The following PCDHGA6 variants were observed in gnomAD, a reference collection of about 807,000 sequenced individuals.
The protein encoded by PCDHGA6 is protocadherin gamma subfamily A, 6.
In PCDHGA6, 41 loss-of-function variants were observed where a neutral mutation model predicts 60.6. That is an observed-to-expected ratio of 0.68 (90% CI 0.53 to 0.88). The LOEUF is 0.88. Ranked by LOEUF, PCDHGA6 falls within the 40% of genes least tolerant of loss-of-function variation. PCDHGA6 has a pLI of 0.00. For missense variants in PCDHGA6, 1,312 were observed against 1,203.0 expected (o/e 1.09, Z -1.34); for synonymous variants, 594 against 524.4 (o/e 1.13, Z -1.81).
intron 2 of PCDHGA6, among the ~76,000 whole-genome samples, chr5:141,496,103 C>T (rs779317844): frequency 2.0e-5 from 3 of 152,218 alleles, no homozygotes; most frequent in South Asian, 2.1e-4. Flanking sequence ...ACCAACACCC[C>T]GCTCTCTTCC....
chr5:141,445,115 A>G (rs1038787011), intron 1 of PCDHGA6, among the ~76,000 whole-genome samples: 1 of 152,308 alleles, frequency 6.6e-6, no homozygotes, highest in East Asian at 1.9e-4. Flanking sequence ...GTTATTGTAA[A>G]TAGTATTTTT....
In PCDHGA6 at chr5:141,415,739, G is replaced by GTTT. The variant is rs1561759437; in HGVS notation, c.2424+39232_2424+39233insTTT. 6 of 435,150 alleles carry GTTT rather than the reference G, an allele frequency of 1.4e-5. No individual in the cohort carries two copies. The African/African-American group carries it at 1.6e-4, about 12-fold the overall frequency. 27.0% of individuals were successfully genotyped at this position (435,150 alleles called of 1,614,324 possible). ...ATGAGTAGAATTTGATGTTTATTAAGGTTTTTTTTTTTTTTTTTTTTTTTT... is the reference window on the plus strand; with the variant it reads ...ATGAGTAGAATTTGATGTTTATTAAGTTTGTTTTTTTTTTTTTTTTTTTTTTTT... On this transcript the variant is annotated intron_variant, in intron 1 of 3. Transcript: ENST00000517434.
chr5:141,473,944 C>T (rs1279694347), intron 1 of PCDHGA6, among the ~76,000 whole-genome samples: 1 of 152,156 alleles, frequency 6.6e-6, no homozygotes, highest in Non-Finnish European at 1.5e-5. Context: ...TAGCTCAGGC[C>T]TGTAGTCCCA....
intron 1 of PCDHGA6, chr5:141,388,942 T>C: frequency 6.2e-7 from 1 of 1,614,004 alleles, no homozygotes; most frequent in African/African-American, 1.3e-5. Flanking sequence ...CTACCCAACC[T>C]AATTATGGAG....
intron 1 of PCDHGA6, among the ~76,000 whole-genome samples, chr5:141,465,063 C>T (rs187265709): frequency 8.5e-4 from 129 of 151,534 alleles, no homozygotes; most frequent in South Asian, 1.3e-3. Context: ...TTTGAATTGT[C>T]TGTTCATGTC....
intron 1 of PCDHGA6, chr5:141,410,789 A>C: frequency 1.3e-6 from 1 of 794,444 alleles, no homozygotes; most frequent in Non-Finnish European, 1.8e-6. Context: ...TATTTGGTTC[A>C]TAAGTTGCTC....
At position 141,477,984 on chromosome 5, in the gene PCDHGA6, T is replaced by A; in HGVS notation, c.2425-16823T>A. On this transcript the variant is annotated intron_variant, in intron 1 of 3. Coordinates refer to ENST00000517434, the MANE Select transcript of PCDHGA6 (RefSeq NM_018919.3). This position sits in a 1 kb window ranked among gnomAD's most constrained non-coding sequence, Gnocchi z 4.9. ...AACCAGAGCCTTTTTGCCATAGGGC[T>A]GCACACTGGTCAAATCAGTACTGCC... 6.2e-7 allele frequency: 1 copy of A among 1,614,146 alleles called. No homozygotes were observed. The highest frequency in any genetic ancestry group is 8.5e-7 in the Non-Finnish European group (1 of 1,180,028).
intron 1 of PCDHGA6, among the ~76,000 whole-genome samples, chr5:141,380,915 GT>G (rs1776856822): frequency 6.6e-6 from 1 of 152,180 alleles, no homozygotes; most frequent in Admixed American, 6.5e-5. Flanking sequence ...TGCTTACATT[GT>G]TTAATAATCA....
chr5:141,450,085 C>T (rs997781052), intron 1 of PCDHGA6, among the ~76,000 whole-genome samples: 3 of 149,208 alleles, frequency 2.0e-5, no homozygotes, highest in Non-Finnish European at 4.4e-5. Context: ...TGGCTCACTG[C>T]AACCTCCGCC....
At chr5:141,505,044 C>G (rs1446394128) in intron 2 of PCDHGA6, among the ~76,000 whole-genome samples, 3 of 152,156 alleles carry the variant, frequency 2.0e-5, no homozygotes, top group African/African-American at 7.2e-5. Context: ...TGCCTGTCAT[C>G]CCAGCTACTT....
rs759576434 is a variant in PCDHGA6 at position 141,432,109 on chromosome 5, G to C, written c.2424+55602G>C. Reference sequence around the variant, plus strand: ...TGGCAGACACCAACGACAACCCGCCGGTCTTCCCTCAGGCCTCCTATTCCG... The same window carrying C: ...TGGCAGACACCAACGACAACCCGCCCGTCTTCCCTCAGGCCTCCTATTCCG... On this transcript the variant is annotated intron_variant, in intron 1 of 3. Transcript: ENST00000517434. The surrounding 1 kb of genome is among the most constrained non-coding windows in gnomAD (Gnocchi z 6.0). 9 of 1,613,972 alleles carry C rather than the reference G, an allele frequency of 5.6e-6. No homozygotes were observed. In the African/African-American group the frequency reaches 9.3e-5, roughly 17 times the overall value.
intron 1 of PCDHGA6, among the ~76,000 whole-genome samples, chr5:141,456,935 C>T (rs894385178): frequency 5.9e-5 from 9 of 152,178 alleles, no homozygotes; most frequent in African/African-American, 2.2e-4. Context: ...TGCACTCCAG[C>T]CTGGGCAACA....
intron 1 of PCDHGA6, chr5:141,410,388 C>G (rs1312753736): frequency 6.2e-7 from 1 of 1,613,962 alleles, no homozygotes; most frequent in African/African-American, 1.3e-5. Flanking sequence ...TGCTTCCATC[C>G]TGGTCTCTGT....
In PCDHGA6 at chr5:141,380,718, C is replaced by T. The variant is rs1776684550; in HGVS notation, c.2424+4211C>T. Among the ~76,000 whole-genome samples the T allele has an allele frequency of 2.6e-5, 4 of 152,158 alleles. No homozygotes were observed. In the South Asian group the frequency reaches 8.3e-4, roughly 32 times the overall value. On this transcript the variant is annotated intron_variant, in intron 1 of 3. Transcript: ENST00000517434. ...GTAGTCTATAATTTAATTTAACTAG[C>T]TCTTATTTCCTTTTCTCCAAAGAAG...
chr5:141,483,289 A>G (rs1446467890), intron 1 of PCDHGA6, among the ~76,000 whole-genome samples: 3 of 152,194 alleles, frequency 2.0e-5, no homozygotes, highest in Admixed American at 2.0e-4. Flanking sequence ...TCTGTCAGTC[A>G]TAAGTGAAGG....
Position 141,383,135 on chromosome 5 carries a change from A to T in PCDHGA6, c.2424+6628A>T. On this transcript the variant is annotated intron_variant, in intron 1 of 3. Coordinates refer to ENST00000517434, the MANE Select transcript of PCDHGA6 (RefSeq NM_018919.3). ...AGGACGCAGCTTTTCGCCCTGAACC[A>T]GCGCAGCGGCAGCTTGGTCACTGCG... The T allele has an allele frequency of 1.2e-5, 20 of 1,614,114 alleles. No homozygotes were observed. Among genetic ancestry groups the T allele is most frequent in the Non-Finnish European group, 1.7e-5 (20 of 1,179,996 alleles).
rs951029522 is a variant in PCDHGA6, at chr5:141,487,944, G to A, written c.2425-6863G>A. 6.6e-6 allele frequency among the ~76,000 whole-genome samples: 1 copy of A among 152,164 alleles called. No homozygotes were observed. Among genetic ancestry groups the A allele is most frequent in the Admixed American group, 6.5e-5 (1 of 15,282 alleles). On this transcript the variant is annotated intron_variant, in intron 1 of 3. Transcript: ENST00000517434. The surrounding 1 kb of genome is among the most constrained non-coding windows in gnomAD (Gnocchi z 5.0). ...ACAGTGCACAGGGTACAGTGCACCA[G>A]GCAGTCACTTGGACAAAGGTGGCTG...
At position 141,477,961 on chromosome 5, in the gene PCDHGA6, C is replaced by T. The variant is rs199947431; in HGVS notation, c.2425-16846C>T. 21 of 1,614,048 alleles carry T rather than the reference C, an allele frequency of 1.3e-5. No homozygotes were observed. The Admixed American group carries it at 1.5e-4, about 12-fold the overall frequency. On this transcript the variant is annotated intron_variant, in intron 1 of 3. Coordinates refer to ENST00000517434, the MANE Select transcript of PCDHGA6 (RefSeq NM_018919.3). The surrounding 1 kb of genome is among the most constrained non-coding windows in gnomAD (Gnocchi z 4.9). Reference sequence around the variant, plus strand: ...CCTACAGTCTCTTGGGATCCCCTAACCAGAGCCTTTTTGCCATAGGGCTGC... The same window carrying T: ...CCTACAGTCTCTTGGGATCCCCTAATCAGAGCCTTTTTGCCATAGGGCTGC...
rs1404447940 is a variant in PCDHGA6 at position 141,428,036 on chromosome 5, C to T, written c.2424+51529C>T. On this transcript the variant is annotated intron_variant, in intron 1 of 3. Transcript: ENST00000517434. ...TGCCACGCGCCGCAGAGTCCGGCTA[C>T]CTGGTGACCAAGGTGGTGGCGGTGG... The T allele has an allele frequency of 3.7e-6, 6 of 1,608,246 alleles. No homozygotes were observed. The African/African-American group carries it at 4.0e-5, about 11-fold the overall frequency.
Sources: allele counts gnomAD v4.1 joint callset (sites outside exome capture counted in the v4.1 genomes callset), GRCh38; gene constraint gnomAD v4.1.1; non-coding constraint Gnocchi (gnomAD v3.1); transcripts MANE v1.5; gene names NCBI Gene and HGNC (gene_info 2026-07-23, HGNC 2026-07-21).